The following PRDM10 variants were observed in gnomAD, a reference collection of about 807,000 sequenced individuals.
PRDM10 encodes PR/SET domain 10.
In PRDM10, 65 loss-of-function variants were observed where a neutral mutation model predicts 133.1. That is an observed-to-expected ratio of 0.49 (90% CI 0.40 to 0.60). The LOEUF (loss-of-function observed/expected upper bound fraction) is 0.60. Among genes scored for constraint, PRDM10 ranks in the 20% least tolerant of loss-of-function variants. The probability of loss-of-function intolerance (pLI) is 0.00; values close to 1 mark genes in which losing one functional copy is unlikely to be tolerated. For missense variants in PRDM10, 1,137 were observed against 1,507.1 expected (o/e 0.75, Z 4.07); for synonymous variants, 582 against 580.4 (o/e 1.00, Z -0.04).
intron 9 of PRDM10, among the ~76,000 whole-genome samples, 186 bp downstream of exon 9, chr11:129,934,915 A>G (rs1319302869): frequency 1.3e-5 from 2 of 152,228 alleles, no homozygotes; most frequent in African/African-American, 2.4e-5. Flanking sequence ...ATGCTGGAAA[A>G]GATGGATAAT....
At chr11:129,919,770 A>C (rs1950466898) in intron 13 of PRDM10, among the ~76,000 whole-genome samples, 1 of 152,116 alleles carries the variant, frequency 6.6e-6, no homozygotes, top group African/African-American at 2.4e-5. Context: ...TTTTTTAAGG[A>C]CTTCATTTTT....
At chr11:129,990,165 GA>G (rs1938649392) in intron 1 of PRDM10, among the ~76,000 whole-genome samples, 1 of 152,184 alleles carries the variant, frequency 6.6e-6, no homozygotes, top group Admixed American at 6.5e-5. Flanking sequence ...CTAACATGGT[GA>G]AACTCCGTCT....
intron 1 of PRDM10, among the ~76,000 whole-genome samples, chr11:129,996,343 C>T (rs1415742759): frequency 6.6e-6 from 1 of 152,158 alleles, no homozygotes; most frequent in East Asian, 1.9e-4. Flanking sequence ...AGCCCGCAGG[C>T]GGCAGACACC....
chr11:129,949,590 T>G (rs1951526148), intron 4 of PRDM10, among the ~76,000 whole-genome samples: 1 of 152,204 alleles, frequency 6.6e-6, no homozygotes, highest in Admixed American at 6.5e-5. Flanking sequence ...AGAAACATCC[T>G]TTTTCTGCTG....
chr11:129,975,820 G>C lies in PRDM10; in HGVS notation c.-118-14738C>G, dbSNP rs956547129. The stretch of plus-strand genomic sequence containing the variant: ...TCCTGGAACAGGGTGGCTGCACCAA[G>C]TGCCTTCCAAGGTGCCTGGCACATA... On this transcript the variant is annotated intron_variant, in intron 1 of 20. Transcript: ENST00000360871. 7.9e-5 allele frequency among the ~76,000 whole-genome samples: 12 copies of C among 152,206 alleles called. No individual in the cohort carries two copies. In the East Asian group the frequency reaches 1.2e-3, roughly 15 times the overall value.
At chr11:129,934,471 G>A (rs1304856543) in intron 9 of PRDM10, among the ~76,000 whole-genome samples, 1 of 152,046 alleles carries the variant, frequency 6.6e-6, no homozygotes, top group East Asian at 1.9e-4. Flanking sequence ...GATGCTAACA[G>A]GACTCCTTGT....
Position 129,942,439 on chromosome 11 carries a change from T to C in PRDM10, c.953A>G (p.Lys318Arg), listed in dbSNP as rs1402896341. The change falls in exon 7 of 21, where the codon AAG (lysine) becomes AGG (arginine). Residue 318 changes from lysine (K) to arginine (R), a missense_variant. Lys to Arg is a conservative substitution (Grantham distance 26). Transcript: ENST00000360871. ...YYTTIKNVEPKQELKVWYAAS... is the reference protein window; with the variant it reads ...YYTTIKNVEPRQELKVWYAAS... ...GCAGCACTGTACCTTCAGTTCCTGC[T>C]TGGGCTCCACATTTTTTATGGTTGT... 1.2e-6 allele frequency: 2 copies of C among 1,614,120 alleles called. No homozygotes were observed.
chr11:129,993,488 ACTAT>A (rs555721387), intron 1 of PRDM10, among the ~76,000 whole-genome samples: 3 of 149,412 alleles, frequency 2.0e-5, no homozygotes, highest in Non-Finnish European at 4.5e-5. Context: ...CCAATATTAC[ACTAT>A]CTTTTTTTTT....
At chr11:129,965,163 C>T (rs1023775072) in intron 1 of PRDM10, among the ~76,000 whole-genome samples, 3 of 151,782 alleles carry the variant, frequency 2.0e-5, no homozygotes, top group East Asian at 1.9e-4. Flanking sequence ...GTTGCTTGAA[C>T]GCAAAAGGAA....
At chr11:129,958,507 G>C (rs1053811629) in intron 2 of PRDM10, among the ~76,000 whole-genome samples, 1 of 152,078 alleles carries the variant, frequency 6.6e-6, no homozygotes, top group African/African-American at 2.4e-5. Context: ...AGCTGGGCAT[G>C]GTGGGGGGCG....
At position 129,912,334 on chromosome 11, in the gene PRDM10, G is replaced by A. The variant is rs951751224; in HGVS notation, c.2842-109C>T. ...AAAAACAATATCCTGGCCGGGTGCA[G>A]TGGCTCATGCCTATAAACCCAGCAG... is the stretch of plus-strand genomic sequence containing the variant. On this transcript the variant is annotated intron_variant, in intron 17 of 20. Coordinates refer to ENST00000360871, the MANE Select transcript of PRDM10 (RefSeq NM_199437.2). The A allele has an allele frequency of 5.7e-6, 7 of 1,224,464 alleles. No individual in the cohort carries two copies. In the African/African-American group the frequency reaches 7.8e-5, roughly 14 times the overall value. The allele number at this position is 1,224,464 out of a possible 1,614,324, so 75.8% of individuals were successfully genotyped here.
chr11:129,973,113 TTA>T (rs1240844543), intron 1 of PRDM10, among the ~76,000 whole-genome samples: 3 of 152,310 alleles, frequency 2.0e-5, no homozygotes, highest in Non-Finnish European at 4.4e-5. Flanking sequence ...TTTGAAAATT[TTA>T]GAGTAATCCT....
chr11:129,951,973 C>A (rs537836502), intron 4 of PRDM10, among the ~76,000 whole-genome samples: 1 of 151,490 alleles, frequency 6.6e-6, no homozygotes, highest in African/African-American at 2.4e-5. Context: ...AACCCTCAAT[C>A]TAACTTTCTA....
intron 1 of PRDM10, among the ~76,000 whole-genome samples, chr11:129,991,835 G>T: frequency 7.6e-6 from 1 of 132,138 alleles, no homozygotes; most frequent in Admixed American, 7.7e-5. Context: ...AAAAAAAAAA[G>T]TAACCGGCCT....
At chr11:129,930,065 G>A (rs1204007308) in intron 11 of PRDM10, among the ~76,000 whole-genome samples, 3 of 152,196 alleles carry the variant, frequency 2.0e-5, no homozygotes, top group Non-Finnish European at 2.9e-5. Flanking sequence ...GACTACAAAT[G>A]TTTAAATGTG....
At chr11:129,971,932 G>GT (rs1468158843) in intron 1 of PRDM10, among the ~76,000 whole-genome samples, 1 of 152,238 alleles carries the variant, frequency 6.6e-6, no homozygotes, top group Non-Finnish European at 1.5e-5. Context: ...CACGGAGGGG[G>GT]TGGGAGGCTC....
At chr11:129,943,566 G>A (rs1042730212) in intron 6 of PRDM10, among the ~76,000 whole-genome samples, 15 of 152,170 alleles carry the variant, frequency 9.9e-5, no homozygotes, top group African/African-American at 3.6e-4. Context: ...GTCCTTATAA[G>A]AAGGGAAGAT....
intron 12 of PRDM10, among the ~76,000 whole-genome samples, chr11:129,924,192 T>G (rs1950606951): frequency 6.6e-6 from 1 of 152,244 alleles, no homozygotes; most frequent in African/African-American, 2.4e-5. Flanking sequence ...TACTAGTTTG[T>G]GTGAAGTGAG....
chr11:129,977,579 G>A (rs1326003459), intron 1 of PRDM10, among the ~76,000 whole-genome samples: 3 of 152,152 alleles, frequency 2.0e-5, no homozygotes, highest in Non-Finnish European at 4.4e-5. Flanking sequence ...ACTGCGCCCA[G>A]CCTAACATTT....
Sources: gnomAD v4.1 joint callset for allele counts (sites outside exome capture counted in the v4.1 genomes callset) on GRCh38, gnomAD v4.1.1 for gene constraint, MANE v1.5 for transcripts, NCBI Gene and HGNC (gene_info 2026-07-23, HGNC 2026-07-21) for gene names.